The following TUSC3 variants were observed in gnomAD, a reference collection of about 807,000 sequenced individuals.
The protein encoded by TUSC3 is tumor suppressor candidate 3.
In TUSC3, 45 loss-of-function variants were observed where a neutral mutation model predicts 44.8. The ratio of observed to expected loss-of-function variants is 1.00; its 90% confidence interval spans 0.79 to 1.29. The LOEUF (loss-of-function observed/expected upper bound fraction) is 1.29. Among genes scored for constraint, TUSC3 ranks in the 50% most tolerant of loss-of-function variants. The pLI, the probability that TUSC3 is intolerant of heterozygous loss-of-function variation, is 0.00. For synonymous variants in TUSC3, 212 were observed against 152.9 expected, an observed-to-expected ratio of 1.39 and a Z score of -2.85; for missense variants, 519 against 437.9, an observed-to-expected ratio of 1.19 and a Z score of -1.65.
rs532470997 is a variant in TUSC3 at position 15,443,591 on chromosome 8, C to G, written n.91+26286C>G. Among the ~76,000 whole-genome samples, 21 of 152,206 alleles carry G rather than the reference C, an allele frequency of 1.4e-4. 1 individual carries two copies. The highest frequency in any genetic ancestry group is 4.8e-4 in the African/African-American group (20 of 41,502). On this transcript the variant is annotated intron_variant and non_coding_transcript_variant, in intron 1 of 5. Transcript: ENST00000503191. ...GTTCTTATTCCTTCCTGGGTGTAGG[C>G]TGAACTAGCTTTGGGAGGAACTTAA...
intron 1 of TUSC3, among the ~76,000 whole-genome samples, chr8:15,594,663 T>A (rs751076392): frequency 6.6e-6 from 1 of 152,212 alleles, no homozygotes; most frequent in African/African-American, 2.4e-5. Context: ...TAATGTCTTA[T>A]GAGATTTTTC....
At chr8:15,554,277 T>G (rs1268419684) in intron 1 of TUSC3, among the ~76,000 whole-genome samples, 1 of 151,776 alleles carries the variant, frequency 6.6e-6, no homozygotes, top group Admixed American at 6.6e-5. Context: ...TATTTTGAAC[T>G]CAGCATGGCC....
intron 1 of TUSC3, among the ~76,000 whole-genome samples, chr8:15,618,342 A>C (rs148164445): frequency 4.1e-4 from 62 of 152,330 alleles, no homozygotes; most frequent in African/African-American, 1.4e-3. Context: ...AGTTAGCTTA[A>C]AATACAAACA....
chr8:15,590,376 A>AG (rs1392976288), intron 1 of TUSC3, among the ~76,000 whole-genome samples: 3 of 152,170 alleles, frequency 2.0e-5, no homozygotes, highest in Non-Finnish European at 4.4e-5. Context: ...CCCAAGCTTT[A>AG]GGCCATCATG....
At chr8:15,762,314 C>G (rs988656882) in intron 10 of TUSC3, among the ~76,000 whole-genome samples, 1 of 151,774 alleles carries the variant, frequency 6.6e-6, no homozygotes, top group African/African-American at 2.4e-5. Flanking sequence ...AACAAGTAAT[C>G]AGTTTCAGAT....
At chr8:15,831,553 A>T in the TUSC3 span, among the ~76,000 whole-genome samples, 1 of 142,436 alleles carries the variant, frequency 7.0e-6, no homozygotes, top group East Asian at 2.3e-4. Flanking sequence ...AAAGAATTAC[A>T]ACAAAATGAT....
the TUSC3 span, among the ~76,000 whole-genome samples, chr8:15,790,678 G>A: frequency 0.024 from 3,622 of 152,208 alleles, 69 homozygotes; most frequent in East Asian, 0.1. Context: ...TAGAGGTACC[G>A]GTGCAATGTT....
intron 1 of TUSC3, among the ~76,000 whole-genome samples, chr8:15,602,283 A>G (rs1804321160): frequency 6.6e-6 from 1 of 151,672 alleles, no homozygotes; most frequent in South Asian, 2.1e-4. Flanking sequence ...TTGTTCATGC[A>G]GAACTATTTA....
At chr8:15,771,807 G>A in the TUSC3 span, among the ~76,000 whole-genome samples, 1 of 152,072 alleles carries the variant, frequency 6.6e-6, no homozygotes, top group African/African-American at 2.4e-5. Context: ...AAAGAAGAAA[G>A]GCCGGGCACG....
intron 1 of TUSC3, among the ~76,000 whole-genome samples, chr8:15,554,600 A>ATTTTTTT (rs376264004): frequency 1.8e-5 from 2 of 111,656 alleles, no homozygotes; most frequent in Non-Finnish European, 3.6e-5. Context: ...TTTTACTATA[A>ATTTTTTT]TTTTTTTTTT....
chr8:15,487,232 C>G (rs1800744830), intron 2 of TUSC3, among the ~76,000 whole-genome samples: 1 of 152,036 alleles, frequency 6.6e-6, no homozygotes, highest in Non-Finnish European at 1.5e-5. Context: ...TGAATTTTTT[C>G]TCTACTTAAT....
the TUSC3 span, among the ~76,000 whole-genome samples, chr8:15,829,733 G>C: frequency 0.049 from 7,460 of 151,838 alleles, 278 homozygotes; most frequent in East Asian, 0.19. Flanking sequence ...CTCTAGTTCT[G>C]TTTTCTTAAA....
chr8:15,504,602 T>G (rs1211762287), intron 2 of TUSC3, among the ~76,000 whole-genome samples: 1 of 42,840 alleles, frequency 2.3e-5, no homozygotes, highest in Non-Finnish European at 4.2e-5. Flanking sequence ...TATATATATA[T>G]ATATATATAT....
Position 15,475,301 on chromosome 8 carries a change from C to T in TUSC3, n.92-8085C>T, listed in dbSNP as rs147895038. ...CAAAGGACAGAGATAACACCAGAGC[C>T]CAAATTAGCCTGTCTCAGGGATAGT... On this transcript the variant is annotated intron_variant and non_coding_transcript_variant, in intron 1 of 5. Coordinates refer to the TUSC3 transcript ENST00000503191. 4.7e-4 allele frequency among the ~76,000 whole-genome samples: 72 copies of T among 152,222 alleles called. 3 individuals are homozygous for T. In the East Asian group the frequency reaches 8.1e-3, roughly 17 times the overall value.
chr8:15,582,663 C>T (rs1803418693), intron 1 of TUSC3, among the ~76,000 whole-genome samples: 1 of 152,194 alleles, frequency 6.6e-6, no homozygotes, highest in South Asian at 2.1e-4. Context: ...GCACTGGTCA[C>T]ATGACATTGC....
At chr8:15,535,800 G>A (rs1177960311), upstream of TUSC3, among the ~76,000 whole-genome samples, 1 of 152,082 alleles carries the variant, frequency 6.6e-6, no homozygotes, top group Non-Finnish European at 1.5e-5. Context: ...AAGAAGGGGA[G>A]GTTTGGGAAA....
chr8:15,665,602 G>T (rs773425357), intron 5 of TUSC3, among the ~76,000 whole-genome samples: 3 of 151,026 alleles, frequency 2.0e-5, no homozygotes, highest in Middle Eastern at 3.4e-3. Context: ...GCAATTTCCT[G>T]ACATAGGAAA....
chr8:15,732,882 T>C (rs1245416140), intron 7 of TUSC3, among the ~76,000 whole-genome samples: 3 of 152,204 alleles, frequency 2.0e-5, no homozygotes, highest in African/African-American at 7.2e-5. Flanking sequence ...CCCTTGATGA[T>C]GCATGCTTGG....
At chr8:15,672,390 G>A (rs1376212046) in intron 5 of TUSC3, among the ~76,000 whole-genome samples, 7 of 151,924 alleles carry the variant, frequency 4.6e-5, no homozygotes, top group Non-Finnish European at 1.0e-4. Flanking sequence ...ATGTTTAAAT[G>A]CTCTACATGG....
Sources: allele counts gnomAD v4.1 joint callset (sites outside exome capture counted in the v4.1 genomes callset), GRCh38; gene constraint gnomAD v4.1.1; transcripts MANE v1.5; gene names NCBI Gene and HGNC (gene_info 2026-07-23, HGNC 2026-07-21).